CTNNA3: variants seen among roughly 807,000 people sequenced by gnomAD.
CTNNA3 encodes the protein catenin alpha-3.
In CTNNA3, 76 loss-of-function variants were observed where a neutral mutation model predicts 95.7. That is an observed-to-expected ratio of 0.79 (90% CI 0.66 to 0.96). The LOEUF (loss-of-function observed/expected upper bound fraction) is 0.96. Among genes scored for constraint, CTNNA3 ranks in the 40% least tolerant of loss-of-function variants. The probability of loss-of-function intolerance (pLI) is 0.00; values close to 1 mark genes in which losing one functional copy is unlikely to be tolerated. For synonymous variants in CTNNA3, 431 were observed against 374.4 expected, an observed-to-expected ratio of 1.15 and a Z score of -1.74; for missense variants, 1,191 against 1,089.8, an observed-to-expected ratio of 1.09 and a Z score of -1.31.
At chr10:67,264,993 CTACTT>C (rs1327096091) in intron 5 of CTNNA3, among the ~76,000 whole-genome samples, 31 of 152,142 alleles carry the variant, frequency 2.0e-4, no homozygotes, top group African/African-American at 5.1e-4. Context: ...AAATCAGTCA[CTACTT>C]TAATAGGATT....
intron 3 of CTNNA3, among the ~76,000 whole-genome samples, chr10:67,559,066 GACAA>G (rs1208482242): frequency 1.3e-5 from 2 of 152,238 alleles, no homozygotes; most frequent in African/African-American, 4.8e-5. Flanking sequence ...GCAGGGCACA[GACAA>G]ACAAAAAGAC....
intron 13 of CTNNA3, among the ~76,000 whole-genome samples, chr10:66,247,433 CA>C (rs1308552671): frequency 6.6e-6 from 1 of 152,070 alleles, no homozygotes; most frequent in African/African-American, 2.4e-5. Context: ...AAAGTTAATT[CA>C]AAAGGATAAT....
At chr10:66,805,334 A>G (rs1022364335) in intron 7 of CTNNA3, among the ~76,000 whole-genome samples, 12 of 151,860 alleles carry the variant, frequency 7.9e-5, no homozygotes, top group South Asian at 4.2e-4. Flanking sequence ...GAGCAGTCTT[A>G]GGGACTCCTG....
intron 11 of CTNNA3, among the ~76,000 whole-genome samples, chr10:66,384,718 G>A (rs368780204): frequency 6.6e-5 from 10 of 152,086 alleles, no homozygotes; most frequent in Admixed American, 2.0e-4. Flanking sequence ...AAATCTAAAC[G>A]AAAAGAAATC....
intron 3 of CTNNA3, among the ~76,000 whole-genome samples, chr10:67,563,772 T>C (rs1270719466): frequency 2.0e-5 from 3 of 151,508 alleles, no homozygotes; most frequent in African/African-American, 7.3e-5. Flanking sequence ...CCAGAATCGA[T>C]AAAGAACTTA....
At chr10:67,625,329 G>C (rs1407752348) in intron 2 of CTNNA3, among the ~76,000 whole-genome samples, 2 of 152,066 alleles carry the variant, frequency 1.3e-5, no homozygotes, top group Admixed American at 1.3e-4. Flanking sequence ...CTCAATACTG[G>C]AGGCACCATA....
chr10:66,253,484 C>T (rs954528589), intron 13 of CTNNA3, among the ~76,000 whole-genome samples: 5 of 151,932 alleles, frequency 3.3e-5, no homozygotes, highest in Non-Finnish European at 7.4e-5. Flanking sequence ...CTACACTATC[C>T]AATTATAAAC....
At chr10:67,728,006 G>T in intron 1 of CTNNA3, among the ~76,000 whole-genome samples, 1 of 134,758 alleles carries the variant, frequency 7.4e-6, no homozygotes, top group Non-Finnish European at 1.5e-5. Context: ...TGTATATTAT[G>T]TATTATATAT....
At chr10:67,516,894 G>A (rs952961869) in intron 5 of CTNNA3, among the ~76,000 whole-genome samples, 1 of 152,180 alleles carries the variant, frequency 6.6e-6, no homozygotes, top group Non-Finnish European at 1.5e-5. Context: ...TTAGCAAAAT[G>A]TCTTCCAGGT....
At chr10:67,227,695 A>G (rs1201280372) in intron 5 of CTNNA3, among the ~76,000 whole-genome samples, 2 of 152,308 alleles carry the variant, frequency 1.3e-5, no homozygotes, top group Middle Eastern at 6.8e-3. Flanking sequence ...GAACAAATGA[A>G]CTTAACAGAT....
intron 11 of CTNNA3, among the ~76,000 whole-genome samples, chr10:66,483,977 T>C (rs990216245): frequency 5.3e-5 from 8 of 152,192 alleles, no homozygotes; most frequent in Non-Finnish European, 7.3e-5. Flanking sequence ...TTCCCCACTT[T>C]AGTTTATTAA....
intron 9 of CTNNA3, among the ~76,000 whole-genome samples, chr10:66,669,231 T>A (rs773630094): frequency 2.0e-5 from 3 of 152,068 alleles, no homozygotes; most frequent in African/African-American, 7.2e-5. Context: ...TTGTGTGTCA[T>A]AGCAGATCAT....
intron 2 of CTNNA3, among the ~76,000 whole-genome samples, chr10:67,639,831 A>G (rs1839462288): frequency 6.6e-6 from 1 of 152,202 alleles, no homozygotes; most frequent in Non-Finnish European, 1.5e-5. Flanking sequence ...AACTCTCAAT[A>G]AATTACGTAT....
intron 7 of CTNNA3, among the ~76,000 whole-genome samples, chr10:66,890,569 G>C (rs569099895): frequency 6.6e-6 from 1 of 152,146 alleles, no homozygotes; most frequent in Admixed American, 6.5e-5. Flanking sequence ...TCTTCAACAA[G>C]AACAATTTGA....
intron 9 of CTNNA3, among the ~76,000 whole-genome samples, chr10:66,649,659 C>G (rs2132408018): frequency 6.6e-6 from 1 of 152,316 alleles, no homozygotes; most frequent in South Asian, 2.1e-4. Flanking sequence ...TCTAGGATAG[C>G]TCCCACAGCC....
intron 7 of CTNNA3, among the ~76,000 whole-genome samples, chr10:66,842,569 G>T (rs546979733): frequency 6.6e-6 from 1 of 152,262 alleles, no homozygotes; most frequent in South Asian, 2.1e-4. Flanking sequence ...AACTTAATTG[G>T]TTTTGCTGAC....
intron 7 of CTNNA3, among the ~76,000 whole-genome samples, chr10:66,993,584 T>C (rs536746845): frequency 6.6e-6 from 1 of 152,228 alleles, no homozygotes; most frequent in Non-Finnish European, 1.5e-5. Flanking sequence ...TTAACTTGTC[T>C]GGTTCCATCC....
intron 5 of CTNNA3, among the ~76,000 whole-genome samples, chr10:67,272,378 C>T (rs754793725): frequency 9.2e-5 from 14 of 151,966 alleles, no homozygotes; most frequent in Non-Finnish European, 4.4e-5. Context: ...ATCGAGAAAC[C>T]TTGTCTCTAC....
intron 9 of CTNNA3, among the ~76,000 whole-genome samples, chr10:66,741,989 G>A (rs1849341485): frequency 6.6e-6 from 1 of 152,154 alleles, no homozygotes; most frequent in Non-Finnish European, 1.5e-5. Flanking sequence ...TGAACAATAT[G>A]AAATCTGGGC....
Sources: allele counts gnomAD v4.1 joint callset (sites outside exome capture counted in the v4.1 genomes callset), GRCh38; gene constraint gnomAD v4.1.1; transcripts MANE v1.5; gene names NCBI Gene and HGNC (gene_info 2026-07-23, HGNC 2026-07-21).